Variants in RILPL1 observed in about 807,000 individuals in gnomAD.
The protein encoded by RILPL1 is RILP-like protein 1.
In RILPL1, 33 loss-of-function variants were observed where a neutral mutation model predicts 50.3. That is an observed-to-expected ratio of 0.66 (90% CI 0.50 to 0.88). The LOEUF is 0.88. RILPL1 is among the 40% of genes least tolerant of loss of function. The pLI is 0.00. For synonymous variants in RILPL1, 205 were observed against 228.6 expected (o/e 0.90, Z 0.93); for missense variants, 418 against 542.5 (o/e 0.77, Z 2.28).
In RILPL1 at chr12:123,507,953, GAA is replaced by G. The variant is rs56309765; in HGVS notation, c.461-8419_461-8418del. Among the ~76,000 whole-genome samples the G allele has an allele frequency of 4.9e-3, 568 of 114,998 alleles. 6 individuals carry two copies. Among genetic ancestry groups the G allele is most frequent in the Middle Eastern group, 0.034 (8 of 232 alleles). The allele number at this position is 114,998 out of a possible 152,430, so 75.4% of individuals were successfully genotyped here. A position where few individuals can be genotyped will look rare whatever the true frequency, so the allele number is the denominator to read the frequency against. On this transcript the variant is annotated intron_variant, in intron 2 of 6. Transcript: ENST00000376874. The stretch of plus-strand genomic sequence containing the variant: ...TGAAACTCCATCTCAAAAAAAAAAA[GAA>G]AAAAAAAAAAAAAAGAAAAGAGAAA...
intron 6 of RILPL1, among the ~76,000 whole-genome samples, chr12:123,478,864 C>T (rs1881777091): frequency 6.6e-6 from 1 of 152,230 alleles, no homozygotes; most frequent in South Asian, 2.1e-4. Flanking sequence ...GGGGACGAGG[C>T]TGAAGTCACT....
rs954369689 is a variant in RILPL1 at position 123,491,667 on chromosome 12, T to A, written c.802-5862A>T. On this transcript the variant is annotated intron_variant, in intron 4 of 6. Transcript: ENST00000376874. The surrounding 1 kb of genome is among the most constrained non-coding windows in gnomAD (Gnocchi z 4.0). ...CCAGCATACGCCTGTCTGCTTTCCC[T>A]ATGCAGGCAGCCCGCACTTTACAAA... Among the ~76,000 whole-genome samples the A allele has an allele frequency of 2.0e-5, 3 of 152,172 alleles. No individual in the cohort carries two copies. Among genetic ancestry groups the A allele is most frequent in the Admixed American group, 6.5e-5 (1 of 15,278 alleles).
At position 123,499,525 on chromosome 12, in the gene RILPL1, G is replaced by T. The variant is rs375884334; in HGVS notation, c.472C>A (p.Arg158=). The T allele has an allele frequency of 1.9e-6, 3 of 1,612,958 alleles. No homozygotes were observed. In the African/African-American group the frequency reaches 4.0e-5, roughly 22 times the overall value. The change falls in exon 3 of 7, where the codon CGG becomes AGG. Residue 158 remains arginine, a synonymous_variant. Coordinates refer to ENST00000376874, the MANE Select transcript of RILPL1 (RefSeq NM_178314.5). ...EFQKHEGMSE[R]ERQVMKKLKE... ...AGCTTCTTCATCACCTGTCGCTCCC[G>T]CTCTGACATGCCTGGGTGGGCAAGT...
At chr12:123,483,092 C>T (rs979544563) in intron 6 of RILPL1, among the ~76,000 whole-genome samples, 1 of 152,230 alleles carries the variant, frequency 6.6e-6, no homozygotes, top group African/African-American at 2.4e-5. Flanking sequence ...ACCCACACGC[C>T]CTGTTTTCAC....
intron 4 of RILPL1, among the ~76,000 whole-genome samples, chr12:123,490,064 G>A (rs962539695): frequency 3.0e-4 from 45 of 152,100 alleles, no homozygotes; most frequent in African/African-American, 9.4e-4. Flanking sequence ...CTCCTGCCTG[G>A]ACCCTGCAGG....
At chr12:123,523,848 C>T (rs1885156439) in intron 1 of RILPL1, among the ~76,000 whole-genome samples, 1 of 152,226 alleles carries the variant, frequency 6.6e-6, no homozygotes, top group Non-Finnish European at 1.5e-5. Context: ...CAGATGCCTG[C>T]GTTTATGCTG....
intron 2 of RILPL1, among the ~76,000 whole-genome samples, chr12:123,521,676 T>C (rs1289623025): frequency 4.3e-5 from 1 of 23,498 alleles, no homozygotes; most frequent in African/African-American, 9.1e-5. Flanking sequence ...TATATAAATA[T>C]ATATATATAC....
In RILPL1 at chr12:123,496,051, C is replaced by A. The variant is rs990116610; in HGVS notation, c.801+2493G>T. Among the ~76,000 whole-genome samples, 32 of 147,326 alleles carry A rather than the reference C, an allele frequency of 2.2e-4. 1 individual carries two copies. The highest frequency in any genetic ancestry group is 8.1e-4 in the East Asian group (4 of 4,932). ...TTTTGAGACAGAGTCTCACCCCTGT[C>A]GCCCAGGCTGGAGTGCAGTGGCGTG... On this transcript the variant is annotated intron_variant, in intron 4 of 6. Coordinates refer to ENST00000376874, the MANE Select transcript of RILPL1 (RefSeq NM_178314.5).
chr12:123,520,138 G>A (rs1043896496), intron 2 of RILPL1, among the ~76,000 whole-genome samples: 3 of 152,238 alleles, frequency 2.0e-5, no homozygotes, highest in African/African-American at 4.8e-5. Context: ...GCTTGAGCAC[G>A]ATGTTCACAG....
intron 1 of RILPL1, among the ~76,000 whole-genome samples, chr12:123,531,170 C>T (rs1228469405): frequency 2.6e-5 from 4 of 151,086 alleles, no homozygotes; most frequent in African/African-American, 7.3e-5. Context: ...GTGAAGTAAA[C>T]GGGTCTGGGG....
chr12:123,472,268 C>T lies in RILPL1; in HGVS notation c.*270G>A. The T allele has an allele frequency of 2.6e-6, 1 of 386,460 alleles. No individual in the cohort carries two copies. The highest frequency in any genetic ancestry group is 4.2e-5 in the East Asian group (1 of 23,726). The allele number at this position is 386,460 out of a possible 1,614,324, so 23.9% of individuals were successfully genotyped here. On this transcript the variant is annotated 3_prime_UTR_variant, in exon 7 of 7. Coordinates refer to ENST00000376874, the MANE Select transcript of RILPL1 (RefSeq NM_178314.5). Reference sequence around the variant, plus strand: ...ACTGAAGTTAACGCAGAAGTCTGGCCTCCGTTTGTGGGATTATTAAATATA... The same window carrying T: ...ACTGAAGTTAACGCAGAAGTCTGGCTTCCGTTTGTGGGATTATTAAATATA...
chr12:123,488,699 G>A (rs536122411), intron 4 of RILPL1, among the ~76,000 whole-genome samples: 1 of 152,286 alleles, frequency 6.6e-6, no homozygotes, highest in South Asian at 2.1e-4. Flanking sequence ...GGTTGGGGGA[G>A]CAAGCTGACC....
chr12:123,491,125 G>T lies in RILPL1; in HGVS notation c.802-5320C>A, dbSNP rs1243077381. ...CTCCAGCTTCTCGAGAGGCCACCAG[G>T]CAGTGACCGCAGGGCCACGGGCAGC... On this transcript the variant is annotated intron_variant, in intron 4 of 6. Coordinates refer to ENST00000376874, the MANE Select transcript of RILPL1 (RefSeq NM_178314.5). The surrounding 1 kb of genome is among the most constrained non-coding windows in gnomAD (Gnocchi z 4.0). Among the ~76,000 whole-genome samples the T allele has an allele frequency of 6.6e-6, 1 of 152,220 alleles. No individual in the cohort carries two copies. The highest frequency in any genetic ancestry group is 1.5e-5 in the Non-Finnish European group (1 of 68,042).
At position 123,485,499 on chromosome 12, in the gene RILPL1, A is replaced by C; in HGVS notation, c.974+134T>G. On this transcript the variant is annotated intron_variant, in intron 5 of 6. Transcript: ENST00000376874. The surrounding 1 kb of genome is among the most constrained non-coding windows in gnomAD (Gnocchi z 4.0). ...TTGTGAGCTTGTATGTAAGTTCTTT[A>C]GGCCAGAGAGGGTACCCAAAAAAAA... The C allele has an allele frequency of 2.5e-6, 2 of 789,404 alleles. No individual in the cohort carries two copies. Among genetic ancestry groups the C allele is most frequent in the Admixed American group, 5.7e-5 (2 of 35,308 alleles). 48.9% of individuals were successfully genotyped at this position (789,404 alleles called of 1,614,324 possible). A position where few individuals can be genotyped will look rare whatever the true frequency, so the allele number is the denominator to read the frequency against.
intron 6 of RILPL1, among the ~76,000 whole-genome samples, chr12:123,483,090 G>T (rs1021427040): frequency 6.6e-6 from 1 of 152,188 alleles, no homozygotes. Flanking sequence ...CAACCCACAC[G>T]CCCTGTTTTC....
chr12:123,520,516 G>C (rs756092722), intron 2 of RILPL1, among the ~76,000 whole-genome samples: 1 of 152,108 alleles, frequency 6.6e-6, no homozygotes, highest in Non-Finnish European at 1.5e-5. Context: ...CCAAGATTGC[G>C]CCACTGCATT....
rs183447190 is a variant in RILPL1, at chr12:123,517,741, G to A, written c.460+5754C>T. 2.6e-5 allele frequency among the ~76,000 whole-genome samples: 4 copies of A among 152,216 alleles called. No individual in the cohort carries two copies. In the East Asian group the frequency reaches 5.8e-4, roughly 22 times the overall value. ...TTCTGAGAGCACCGTTGAGCTCAAC[G>A]TATCCAATTCGGTAGCCACCAGCAG... On this transcript the variant is annotated intron_variant, in intron 2 of 6. Coordinates refer to ENST00000376874, the MANE Select transcript of RILPL1 (RefSeq NM_178314.5).
At chr12:123,504,914 A>G (rs9697628) in intron 2 of RILPL1, among the ~76,000 whole-genome samples, 45,444 of 152,024 alleles carry the variant, frequency 0.3, 8,034 homozygotes, top group African/African-American at 0.49. Context: ...GGTCACCAGA[A>G]TGTGTCACCA....
Position 123,472,657 on chromosome 12 carries a change from T to G in RILPL1, c.1093A>C (p.Lys365Gln), listed in dbSNP as rs753733685. ...TTTCTCTGTGTGTTGGCCAGGCGCTTCTTATCTCGGGAGAAGAAGCTAAAC... is the reference window on the plus strand; with the variant it reads ...TTTCTCTGTGTGTTGGCCAGGCGCTGCTTATCTCGGGAGAAGAAGCTAAAC... ...RLFSFFSRDK[K>Q]RLANTQRNVH... Residue 365 changes from lysine (K) to glutamine (Q), a missense_variant, in exon 7 of 7, where the codon AAG becomes CAG. By Grantham distance (53) the Lys-to-Gln change is moderately conservative. Transcript: ENST00000376874. 2.3e-5 allele frequency: 37 copies of G among 1,599,076 alleles called. No individual in the cohort carries two copies. The highest frequency in any genetic ancestry group is 3.0e-5 in the Non-Finnish European group (35 of 1,172,786).
Sources: gnomAD v4.1 joint callset for allele counts (sites outside exome capture counted in the v4.1 genomes callset) on GRCh38, gnomAD v4.1.1 for gene constraint, Gnocchi (gnomAD v3.1) non-coding constraint, MANE v1.5 for transcripts, NCBI Gene and HGNC (gene_info 2026-07-23, HGNC 2026-07-21) for gene names.